Variants in PIK3CB observed in about 807,000 individuals in gnomAD.
The protein encoded by PIK3CB is phosphatidylinositol 4,5-bisphosphate 3-kinase catalytic subunit beta isoform.
A neutral mutation model predicts 136.8 loss-of-function variants in PIK3CB; 39 were observed. That is an observed-to-expected ratio of 0.29 (90% confidence interval 0.22 to 0.37). The LOEUF is 0.37. PIK3CB is among the 10% of genes least tolerant of loss of function. The probability of loss-of-function intolerance (pLI) is 1.00; values close to 1 mark genes in which losing one functional copy is unlikely to be tolerated. For missense variants in PIK3CB, 868 were observed against 1,275.4 expected, an observed-to-expected ratio of 0.68 and a Z score of 4.87; for synonymous variants, 428 against 436.6, an observed-to-expected ratio of 0.98 and a Z score of 0.25.
rs1015464994 is a variant in PIK3CB, at chr3:138,685,031, T to A, written c.2137-228A>T. The stretch of plus-strand genomic sequence containing the variant: ...ATTTTCAAACTTTCTTTAAACCTTT[T>A]CTTAAACAAAATCTTACAAATTCGA... On this transcript the variant is annotated intron_variant, in intron 16 of 23. Transcript: ENST00000674063. 7.1e-6 allele frequency: 3 copies of A among 420,254 alleles called. No individual in the cohort carries two copies. The Admixed American group carries it at 1.2e-4, about 17-fold the overall frequency. 26.0% of individuals were successfully genotyped at this position (420,254 alleles called of 1,614,324 possible).
intron 1 of PIK3CB, among the ~76,000 whole-genome samples, chr3:138,827,817 A>T (rs1009462412): frequency 6.7e-6 from 1 of 149,282 alleles, no homozygotes; most frequent in African/African-American, 2.5e-5. Flanking sequence ...GTCTCTACTA[A>T]AAAAATACAA....
At position 138,737,693 on chromosome 3, in the gene PIK3CB, G is replaced by A; in HGVS notation, c.801+14C>T. ...CATAGACTTTTCTGGTAAATTAATA[G>A]TTAATATACATACCTGGAACTGAAT... On this transcript the variant is annotated intron_variant, in intron 6 of 23. Coordinates refer to ENST00000674063, the MANE Select transcript of PIK3CB (RefSeq NM_006219.3). 1 of 1,436,580 alleles carries A rather than the reference G, an allele frequency of 7.0e-7. No homozygotes were observed. Among genetic ancestry groups the A allele is most frequent in the Non-Finnish European group, 9.6e-7 (1 of 1,044,104 alleles). The allele number at this position is 1,436,580 out of a possible 1,614,324, so 89.0% of individuals were successfully genotyped here.
intron 15 of PIK3CB, among the ~76,000 whole-genome samples, chr3:138,689,861 G>A (rs1021028792): frequency 6.6e-6 from 1 of 152,144 alleles, no homozygotes; most frequent in Admixed American, 6.5e-5. Flanking sequence ...CTTTTGTACG[G>A]GTAAGGCAAT....
Position 138,742,801 on chromosome 3 carries a change from G to C in PIK3CB, c.398-20C>G. On this transcript the variant is annotated intron_variant, in intron 4 of 23. Transcript: ENST00000674063. ...GCAGACCTAAACACATTTTTTAAAG[G>C]TGTCATTTTCAGTAACTAACAATAA... The C allele has an allele frequency of 7.3e-7, 1 of 1,375,956 alleles. No homozygotes were observed. The highest frequency in any genetic ancestry group is 1.0e-6 in the Non-Finnish European group (1 of 984,826). 85.2% of individuals were successfully genotyped at this position (1,375,956 alleles called of 1,614,324 possible). A position where few individuals can be genotyped will look rare whatever the true frequency, so the allele number is the denominator to read the frequency against.
intron 4 of PIK3CB, among the ~76,000 whole-genome samples, chr3:138,749,963 T>A (rs2045436347): frequency 6.6e-6 from 1 of 152,152 alleles, no homozygotes; most frequent in South Asian, 2.1e-4. Flanking sequence ...AGCCTCAACC[T>A]CTGGGCTCAA....
chr3:138,717,239 G>C (rs1399802730), intron 8 of PIK3CB, among the ~76,000 whole-genome samples: 2 of 147,932 alleles, frequency 1.4e-5, no homozygotes, highest in African/African-American at 5.0e-5. Context: ...GGGCAACAGA[G>C]TGAGACGCTG....
At chr3:138,725,201 T>C (rs1409325625) in intron 8 of PIK3CB, among the ~76,000 whole-genome samples, 1 of 151,204 alleles carries the variant, frequency 6.6e-6, no homozygotes, top group East Asian at 1.9e-4. Context: ...ATTTTTAATG[T>C]TTAAGATTAA....
chr3:138,709,929 C>A (rs1299609072), intron 10 of PIK3CB, among the ~76,000 whole-genome samples: 1 of 150,988 alleles, frequency 6.6e-6, no homozygotes. Context: ...ATAATCCTAG[C>A]ACTTTGGGAG....
intron 1 of PIK3CB, among the ~76,000 whole-genome samples, chr3:138,820,435 C>T (rs1272881959): frequency 6.6e-6 from 1 of 152,178 alleles, no homozygotes; most frequent in Non-Finnish European, 1.5e-5. Flanking sequence ...GGTTTTTTAA[C>T]CTAACTCATT....
At chr3:138,711,036 A>G (rs866420257) in intron 10 of PIK3CB, among the ~76,000 whole-genome samples, 4 of 151,634 alleles carry the variant, frequency 2.6e-5, no homozygotes, top group African/African-American at 9.7e-5. Flanking sequence ...GTGAGCGCAT[A>G]TCACACCACT....
chr3:138,658,479 T>C (rs1190168546), intron 21 of PIK3CB, among the ~76,000 whole-genome samples: 1 of 151,992 alleles, frequency 6.6e-6, no homozygotes, highest in South Asian at 2.1e-4. Flanking sequence ...AAAAAGTACA[T>C]CCTTGCCCTA....
chr3:138,757,615 G>A (rs575541885), intron 3 of PIK3CB, among the ~76,000 whole-genome samples: 13 of 146,784 alleles, frequency 8.9e-5, no homozygotes, highest in African/African-American at 2.8e-4. Flanking sequence ...AAGGAAGAAG[G>A]GAGGGAGGGA....
In PIK3CB at chr3:138,691,043, G is replaced by C. The variant is rs142634183; in HGVS notation, c.1993C>G (p.Leu665Val). The C allele has an allele frequency of 1.2e-6, 2 of 1,613,274 alleles. No individual in the cohort carries two copies. The highest frequency in any genetic ancestry group is 1.7e-6 in the Non-Finnish European group (2 of 1,179,356). Residue 665 changes from leucine to valine, a missense_variant, in exon 15 of 24, where the codon CTT becomes GTT. Leu to Val is a conservative substitution (Grantham distance 32, BLOSUM62 1). Around this residue, in one of 4 missense-constraint regions of PIK3CB, gnomAD observed 612 missense variants for 801.1 expected, o/e 0.76. Coordinates refer to ENST00000674063, the MANE Select transcript of PIK3CB (RefSeq NM_006219.3). ...ALSRFLLERA[L>V]GNRRIGQFLF... The stretch of plus-strand genomic sequence containing the variant: ...AACTGCCCTATCCTCCGATTACCAA[G>C]TGCTCTTTCTAATAGGAATCTAGAG...
At chr3:138,767,920 C>T (rs1485619340) in intron 2 of PIK3CB, among the ~76,000 whole-genome samples, 2 of 152,244 alleles carry the variant, frequency 1.3e-5, no homozygotes, top group African/African-American at 4.8e-5. Flanking sequence ...CTCTCCTCTT[C>T]GCCTGCAATG....
chr3:138,666,113 G>T (rs1192719421), intron 19 of PIK3CB, among the ~76,000 whole-genome samples: 1 of 152,156 alleles, frequency 6.6e-6, no homozygotes, highest in African/African-American at 2.4e-5. Flanking sequence ...ATAGGTGGCA[G>T]TTTGCTTTGA....
chr3:138,664,733 C>CA (rs558624165), intron 20 of PIK3CB, among the ~76,000 whole-genome samples: 44 of 152,284 alleles, frequency 2.9e-4, no homozygotes, highest in African/African-American at 1.0e-3. Flanking sequence ...CATATATTCA[C>CA]ATAATTAGAG....
At chr3:138,708,593 CTT>C (rs11308775) in intron 10 of PIK3CB, among the ~76,000 whole-genome samples, 306 of 141,570 alleles carry the variant, frequency 2.2e-3, no homozygotes, top group Admixed American at 2.6e-3. Flanking sequence ...GGAGGCAACT[CTT>C]TTTTTTTTTT....
At chr3:138,785,216 C>T (rs1013439531) in intron 2 of PIK3CB, among the ~76,000 whole-genome samples, 5 of 151,288 alleles carry the variant, frequency 3.3e-5, no homozygotes, top group Non-Finnish European at 5.9e-5. Context: ...CCCGGCCAGC[C>T]GCCCTGTCCC....
intron 21 of PIK3CB, among the ~76,000 whole-genome samples, chr3:138,663,389 A>AT (rs1206448586): frequency 2.0e-5 from 3 of 151,600 alleles, no homozygotes; most frequent in East Asian, 1.9e-4. Flanking sequence ...TTTTTCAATA[A>AT]TTTTTTTTTG....
Sources: allele counts gnomAD v4.1 joint callset (sites outside exome capture counted in the v4.1 genomes callset), GRCh38; gene constraint gnomAD v4.1.1; regional missense constraint gnomAD v4.1.1; transcripts MANE v1.5; gene names NCBI Gene and HGNC (gene_info 2026-07-23, HGNC 2026-07-21).